TMEM245: variants seen among roughly 807,000 people sequenced by gnomAD.
TMEM245 encodes protein CG-2.
A neutral mutation model predicts 101.2 loss-of-function variants in TMEM245; 69 were observed. The observed-to-expected ratio is 0.68, with a 90% CI of 0.56 to 0.83. The LOEUF (loss-of-function observed/expected upper bound fraction) is 0.83, where lower values mean the gene tolerates loss of function less well. Ranked by LOEUF, TMEM245 falls within the 40% of genes least tolerant of loss-of-function variation. The probability of loss-of-function intolerance (pLI) is 0.00; values close to 1 mark genes in which losing one functional copy is unlikely to be tolerated. For synonymous variants in TMEM245, 537 were observed against 449.8 expected (o/e 1.19, Z -2.45); for missense variants, 1,075 against 1,092.8 (o/e 0.98, Z 0.23).
In TMEM245 at chr9:109,038,184, C is replaced by T. The variant is rs560909356; in HGVS notation, c.2124-67G>A. On this transcript the variant is annotated intron_variant, in intron 14 of 17. Coordinates refer to ENST00000374586, the MANE Select transcript of TMEM245 (RefSeq NM_032012.4). ...GTCATATCGTGATTCAGAAAAATCACGTGACCACTTGATTCCAAATCATGT... is the reference window on the plus strand; with the variant it reads ...GTCATATCGTGATTCAGAAAAATCATGTGACCACTTGATTCCAAATCATGT... The T allele has an allele frequency of 5.1e-5, 62 of 1,226,794 alleles. 1 individual carries two copies. The East Asian group carries it at 1.4e-3, about 27-fold the overall frequency. The allele number at this position is 1,226,794 out of a possible 1,614,324, so 76.0% of individuals were successfully genotyped here.
chr9:109,028,311 G>A (rs1054132862), intron 17 of TMEM245, among the ~76,000 whole-genome samples: 5 of 151,780 alleles, frequency 3.3e-5, no homozygotes, highest in East Asian at 2.0e-4. Context: ...TTAGCCGGGC[G>A]TAGTGGCATG....
chr9:109,105,493 A>T (rs1239053067), intron 3 of TMEM245, among the ~76,000 whole-genome samples: 2 of 152,222 alleles, frequency 1.3e-5, no homozygotes, highest in Non-Finnish European at 2.9e-5. Context: ...CAGTAATTCT[A>T]CTCATAGGTA....
chr9:109,023,252 G>A (rs1478160146), intron 17 of TMEM245, among the ~76,000 whole-genome samples: 1 of 152,156 alleles, frequency 6.6e-6, no homozygotes, highest in Non-Finnish European at 1.5e-5. Context: ...GAACTCTACT[G>A]AAGTAACACT....
intron 16 of TMEM245, 60 bp downstream of exon 16, chr9:109,036,146 A>C: frequency 7.0e-7 from 1 of 1,430,316 alleles, no homozygotes; most frequent in Non-Finnish European, 9.2e-7. Context: ...CCTCCTTTAA[A>C]AAAAAAAAAA....
In TMEM245 at chr9:109,057,345, C is replaced by T. The variant is rs941198468; in HGVS notation, c.1723-23G>A. 7 of 1,599,090 alleles carry T rather than the reference C, an allele frequency of 4.4e-6. No homozygotes were observed. In the African/African-American group the frequency reaches 6.7e-5, roughly 15 times the overall value. On this transcript the variant is annotated intron_variant, in intron 11 of 17. Coordinates refer to ENST00000374586, the MANE Select transcript of TMEM245 (RefSeq NM_032012.4). The stretch of plus-strand genomic sequence containing the variant: ...ATTCTATGGAATAAAACAGTGCAGA[C>T]ATGAAATTCCCATCTTAATCTAAAG...
intron 6 of TMEM245, 73 bp downstream of exon 6, chr9:109,087,100 A>G (rs2132548950): frequency 7.4e-7 from 1 of 1,355,982 alleles, no homozygotes; most frequent in Non-Finnish European, 1.0e-6. Flanking sequence ...TATAAACACC[A>G]TAGAATGGAA....
chr9:109,108,637 A>G, intron 1 of TMEM245, 67 bp from the exon 2 acceptor site: 2 of 1,172,550 alleles, frequency 1.7e-6, no homozygotes, highest in Non-Finnish European at 2.5e-6. Context: ...ATTATACAAA[A>G]TCTGTAAGTG....
chr9:109,078,076 T>C (rs1829564744), intron 8 of TMEM245, among the ~76,000 whole-genome samples: 1 of 152,230 alleles, frequency 6.6e-6, no homozygotes, highest in Non-Finnish European at 1.5e-5. Context: ...TGCCTGCTGT[T>C]TAACTTATCT....
chr9:109,026,602 A>G (rs544540103), intron 17 of TMEM245, among the ~76,000 whole-genome samples: 2 of 151,332 alleles, frequency 1.3e-5, no homozygotes, highest in African/African-American at 4.9e-5. Flanking sequence ...ACTAAGAGGC[A>G]AAAGCAACAA....
intron 17 of TMEM245, among the ~76,000 whole-genome samples, chr9:109,031,073 C>A (rs1343708664): frequency 2.0e-5 from 3 of 152,142 alleles, no homozygotes; most frequent in Non-Finnish European, 4.4e-5. Flanking sequence ...CCGGAAAGTT[C>A]AAAACATTTT....
intron 9 of TMEM245, among the ~76,000 whole-genome samples, chr9:109,068,960 A>G (rs1403384796): frequency 6.6e-6 from 1 of 152,198 alleles, no homozygotes; most frequent in Non-Finnish European, 1.5e-5. Context: ...TTGATAGCTG[A>G]CATGAAGCTA....
intron 17 of TMEM245, among the ~76,000 whole-genome samples, chr9:109,029,953 G>A (rs898393840): frequency 2.0e-5 from 3 of 152,162 alleles, no homozygotes; most frequent in Admixed American, 1.3e-4. Context: ...AGCAAAAGTC[G>A]TATGGGTAAA....
At chr9:109,116,559 T>A (rs1010801600) in intron 1 of TMEM245, among the ~76,000 whole-genome samples, 1 of 149,988 alleles carries the variant, frequency 6.7e-6, no homozygotes, top group African/African-American at 2.5e-5. Flanking sequence ...TGAGACAGGG[T>A]ATTGCTCTGT....
At chr9:109,117,414 G>A (rs1045271735) in intron 1 of TMEM245, among the ~76,000 whole-genome samples, 10 of 152,014 alleles carry the variant, frequency 6.6e-5, no homozygotes, top group East Asian at 3.9e-4. Flanking sequence ...CACCGCGCCC[G>A]GCCAATTTCA....
intron 8 of TMEM245, among the ~76,000 whole-genome samples, chr9:109,076,217 G>A (rs1381583208): frequency 1.3e-5 from 2 of 149,868 alleles, no homozygotes; most frequent in Middle Eastern, 3.2e-3. Context: ...AAAATGATGA[G>A]TTCATGTCCT....
rs1267960627 is a variant in TMEM245 at position 109,119,305 on chromosome 9, G to A, written c.579+30C>T. 5 of 1,514,098 alleles carry A rather than the reference G, an allele frequency of 3.3e-6. No individual in the cohort carries two copies. The Admixed American group carries it at 8.3e-5, about 25-fold the overall frequency. The allele number at this position is 1,514,098 out of a possible 1,614,324, so 93.8% of individuals were successfully genotyped here. A position where few individuals can be genotyped will look rare whatever the true frequency, so the allele number is the denominator to read the frequency against. On this transcript the variant is annotated intron_variant, in intron 1 of 17. Transcript: ENST00000374586. ...CCCCAGAGCGCCGGGACCACGGGCG[G>A]GGGACGGGGGCGGACTGCCGCTCAC...
intron 16 of TMEM245, among the ~76,000 whole-genome samples, chr9:109,034,031 T>G (rs1334392054): frequency 6.6e-6 from 1 of 152,168 alleles, no homozygotes; most frequent in Non-Finnish European, 1.5e-5. Flanking sequence ...AAAATATCTG[T>G]CACAAAGCCC....
rs988283634 is a variant in TMEM245 at position 109,050,444 on chromosome 9, C to A, written c.1978-16G>T. 14 of 1,612,634 alleles carry A rather than the reference C, an allele frequency of 8.7e-6. No homozygotes were observed. The highest frequency in any genetic ancestry group is 8.4e-5 in the Admixed American group (5 of 59,832). On this transcript the variant is annotated splice_polypyrimidine_tract_variant and intron_variant, in intron 13 of 17. Coordinates refer to ENST00000374586, the MANE Select transcript of TMEM245 (RefSeq NM_032012.4). ...GGAAAATTATCTGCAAAACAAAGGACAACATCTCCTAAAAAAATCGTATTT... is the reference window on the plus strand; with the variant it reads ...GGAAAATTATCTGCAAAACAAAGGAAAACATCTCCTAAAAAAATCGTATTT...
chr9:109,079,863 C>T (rs1829618131), intron 8 of TMEM245, among the ~76,000 whole-genome samples: 1 of 151,998 alleles, frequency 6.6e-6, no homozygotes, highest in South Asian at 2.1e-4. Flanking sequence ...CAAAAAGCCT[C>T]TAAATAAGTC....
Sources: gnomAD v4.1 joint callset for allele counts (sites outside exome capture counted in the v4.1 genomes callset) on GRCh38, gnomAD v4.1.1 for gene constraint, MANE v1.5 for transcripts, NCBI Gene and HGNC (gene_info 2026-07-23, HGNC 2026-07-21) for gene names.